USPL1: variants seen among roughly 807,000 people sequenced by gnomAD.
USPL1 encodes SUMO-specific isopeptidase USPL1.
A neutral mutation model predicts 51.5 loss-of-function variants in USPL1; 27 were observed. That is an observed-to-expected ratio of 0.52 (90% CI 0.39 to 0.72). USPL1 has a LOEUF of 0.72. Ranked by LOEUF, USPL1 falls within the 30% of genes least tolerant of loss-of-function variation. The pLI, the probability that USPL1 is intolerant of heterozygous loss-of-function variation, is 0.00. For missense variants in USPL1, 1,226 were observed against 1,268.0 expected (o/e 0.97, Z 0.50); for synonymous variants, 451 against 459.6 (o/e 0.98, Z 0.24).
At chr13:30,620,895 G>A (rs1004166552) in intron 1 of USPL1, among the ~76,000 whole-genome samples, 178 bp from the exon 2 acceptor site, 2 of 152,084 alleles carry the variant, frequency 1.3e-5, no homozygotes, top group African/African-American at 4.8e-5. Flanking sequence ...TCACAAATTT[G>A]CTGGGTTTAT....
In USPL1 at chr13:30,631,318, T is replaced by G; in HGVS notation, c.712T>G (p.Leu238Val). The G allele has an allele frequency of 6.2e-7, 1 of 1,614,184 alleles. No individual in the cohort carries two copies. Among genetic ancestry groups the G allele is most frequent in the Non-Finnish European group, 8.5e-7 (1 of 1,180,038 alleles). The part of the protein sequence containing the change: ...QWKNAYALCW[L>V]DCILSALVHS... ...GAAAAATGCTTATGCTCTCTGTTGG[T>G]TAGACTGTATCCTGTCAGCTTTGGT... The change falls in exon 4 of 9, where the codon TTA becomes GTA. Residue 238 changes from leucine (L) to valine (V), a missense_variant. Transcript: ENST00000255304.
rs759775085 is a variant in USPL1, at chr13:30,658,394, C to T, written c.2317C>T (p.Leu773Phe). 3.7e-6 allele frequency: 6 copies of T among 1,613,636 alleles called. No individual in the cohort carries two copies. The highest frequency in any genetic ancestry group is 5.1e-6 in the Non-Finnish European group (6 of 1,179,994). ...LISRGASFMP[L>F]CVSAHNRNTI... Reference sequence around the variant, plus strand: ...AAGCAGGGGTGCTTCTTTTATGCCACTCTGTGTTTCAGCTCATAATAGAAA... The same window carrying T: ...AAGCAGGGGTGCTTCTTTTATGCCATTCTGTGTTTCAGCTCATAATAGAAA... The change falls in exon 9 of 9, where the codon CTC (leucine) becomes TTC (phenylalanine). Residue 773 changes from leucine to phenylalanine, a missense_variant. By Grantham distance (22) the Leu-to-Phe change is conservative. Coordinates refer to ENST00000255304, the MANE Select transcript of USPL1 (RefSeq NM_005800.5).
chr13:30,642,505 G>T, intron 5 of USPL1, 123 bp from the exon 6 acceptor site: 1 of 1,180,152 alleles, frequency 8.5e-7, no homozygotes, highest in South Asian at 1.9e-5. Flanking sequence ...GACTTATTGT[G>T]TCATACTGTA....
intron 7 of USPL1, among the ~76,000 whole-genome samples, chr13:30,651,020 T>A (rs571639435): frequency 7.9e-4 from 119 of 150,806 alleles, no homozygotes; most frequent in African/African-American, 2.8e-3. Context: ...AAAAAAAAAA[T>A]TTCATAGTTA....
rs1423160407 is a variant in USPL1 at position 30,631,305 on chromosome 13, T to A, written c.699T>A (p.Tyr233Ter). 6.2e-7 allele frequency: 1 copy of A among 1,614,086 alleles called. No individual in the cohort carries two copies. The change falls in exon 4 of 9, where the codon TAT becomes TAA. Residue 233 changes from tyrosine to a stop codon, truncating the protein, a stop_gained. Transcript: ENST00000255304. LOFTEE classifies it high-confidence loss of function. ...QALCVQWKNA[Y>*]ALCWLDCILS... ...TATGTGTCCAGTGGAAAAATGCTTA[T>A]GCTCTCTGTTGGTTAGACTGTATCC...
In USPL1 at chr13:30,655,454, T is replaced by TA. The variant is rs149585632; in HGVS notation, c.1397-2019dup. Among the ~76,000 whole-genome samples the TA allele has an allele frequency of 4.6e-3, 697 of 152,298 alleles. 5 individuals are homozygous for TA. The highest frequency in any genetic ancestry group is 0.015 in the African/African-American group (621 of 41,552). On this transcript the variant is annotated intron_variant, in intron 8 of 8. Transcript: ENST00000255304. ...TCTTAATCTTTGCATTCCTTAAGATTAGTTCTTTGTAGGAAGGCTTTGAAG... is the reference window on the plus strand; with the variant it reads ...TCTTAATCTTTGCATTCCTTAAGATTAAGTTCTTTGTAGGAAGGCTTTGAAG...
chr13:30,638,708 C>T (rs918828534), intron 5 of USPL1, among the ~76,000 whole-genome samples: 1 of 151,346 alleles, frequency 6.6e-6, no homozygotes, highest in East Asian at 1.9e-4. Context: ...TAGTAATAAC[C>T]CATATTATGT....
chr13:30,635,332 GT>G (rs1950860921), intron 4 of USPL1, among the ~76,000 whole-genome samples: 1 of 152,154 alleles, frequency 6.6e-6, no homozygotes, highest in South Asian at 2.1e-4. Flanking sequence ...TCATATTGAT[GT>G]GTGGTATGAG....
intron 1 of USPL1, among the ~76,000 whole-genome samples, chr13:30,618,308 G>A (rs1030957482): frequency 6.6e-6 from 1 of 152,162 alleles, no homozygotes; most frequent in African/African-American, 2.4e-5. Context: ...CAGGGTTAAC[G>A]GACCCTGCGC....
In USPL1 at chr13:30,631,075, A is replaced by G. The variant is rs775954149; in HGVS notation, c.469A>G (p.Ser157Gly). ...AACCTCGTCAAACTTACCTGATAGT[A>G]GTGGTCAACAGAATCCAATTAGGAC... The part of the protein sequence containing the change: ...DETSSNLPDS[S>G]GQQNPIRTAD... Residue 157 changes from serine (S) to glycine (G), a missense_variant, in exon 4 of 9, where the codon AGT (serine) becomes GGT (glycine). Transcript: ENST00000255304. 6 of 1,614,214 alleles carry G rather than the reference A, an allele frequency of 3.7e-6. No individual in the cohort carries two copies. The highest frequency in any genetic ancestry group is 3.3e-5 in the South Asian group (3 of 91,092).
rs779163975 is a variant in USPL1 at position 30,630,830 on chromosome 13, T to C, written c.229-5T>C. ...AGTTTTTATCATTTTATTTTTACTT[T>C]CCAGTGCATCTATCCTTTGGGCTCT... On this transcript the variant is annotated splice_region_variant and splice_polypyrimidine_tract_variant and intron_variant, in intron 3 of 8. Coordinates refer to ENST00000255304, the MANE Select transcript of USPL1 (RefSeq NM_005800.5). 5 of 1,569,956 alleles carry C rather than the reference T, an allele frequency of 3.2e-6. No homozygotes were observed. The highest frequency in any genetic ancestry group is 2.8e-5 in the African/African-American group (2 of 72,534).
At chr13:30,639,511 G>A (rs1393113364) in intron 5 of USPL1, among the ~76,000 whole-genome samples, 1 of 151,756 alleles carries the variant, frequency 6.6e-6, no homozygotes, top group Non-Finnish European at 1.5e-5. Context: ...CCTCCTCTAG[G>A]CCTGAAGAAC....
chr13:30,625,878 A>G (rs2031276), intron 3 of USPL1, among the ~76,000 whole-genome samples: 77,763 of 152,136 alleles, frequency 0.51, 22,985 homozygotes, highest in African/African-American at 0.82. Context: ...ATTTCTAGTC[A>G]GCAATGAGAG....
chr13:30,658,119 A>G lies in USPL1; in HGVS notation c.2042A>G (p.Asn681Ser), dbSNP rs767906950. ...EDTVNTKSVN[N>S]TDATGLIQGV... is the part of the protein sequence containing the mutation. ...ACTGTAAATACTAAATCTGTGAATA[A>G]TACTGATGCTACTGGTCTTATACAG... is the stretch of plus-strand genomic sequence containing the variant. The change falls in exon 9 of 9, where the codon AAT (asparagine) becomes AGT (serine). Residue 681 changes from asparagine to serine, a missense_variant. Transcript: ENST00000255304. The G allele has an allele frequency of 2.5e-6, 4 of 1,613,632 alleles. 1 individual carries two copies. In the Admixed American group the frequency reaches 5.0e-5, roughly 20 times the overall value.
At chr13:30,625,437 GTTTTTTGT>G (rs1397117108) in intron 3 of USPL1, among the ~76,000 whole-genome samples, 1 of 135,894 alleles carries the variant, frequency 7.4e-6, no homozygotes, top group African/African-American at 2.8e-5. Flanking sequence ...TTGGTTTTTT[GTTTTTTGT>G]TTTTTTTTTT....
intron 3 of USPL1, among the ~76,000 whole-genome samples, chr13:30,622,634 G>C (rs1051466144): frequency 2.0e-5 from 3 of 152,180 alleles, no homozygotes; most frequent in Non-Finnish European, 4.4e-5. Context: ...GTTTATTCCA[G>C]CAAAAAATTA....
intron 8 of USPL1, among the ~76,000 whole-genome samples, chr13:30,655,217 A>G (rs1593394256): frequency 6.6e-6 from 1 of 152,234 alleles, no homozygotes; most frequent in Non-Finnish European, 1.5e-5. Context: ...GATTACAGGC[A>G]TGAGCCACCG....
At chr13:30,629,801 A>T (rs1235591121) in intron 3 of USPL1, among the ~76,000 whole-genome samples, 1 of 152,106 alleles carries the variant, frequency 6.6e-6, no homozygotes, top group Non-Finnish European at 1.5e-5. Context: ...CATGTGTGCT[A>T]ATGTTCCATC....
chr13:30,658,634 A>G lies in USPL1; in HGVS notation c.2557A>G (p.Lys853Glu), dbSNP rs1566062967. The change falls in exon 9 of 9, where the codon AAG (lysine) becomes GAG (glutamate). Residue 853 changes from lysine (K) to glutamate (E), a missense_variant. By Grantham distance (56) the Lys-to-Glu change is moderately conservative (BLOSUM62 1). Transcript: ENST00000255304. ...TCATGCTGCTTCAGAAGTTTTGGAA[A>G]AGTCTGGAAGCACCTCATGTGGAGC... ...HAHAASEVLEKSGSTSCGAQL... is the reference protein window; with the variant it reads ...HAHAASEVLEESGSTSCGAQL... 3.7e-6 allele frequency: 6 copies of G among 1,614,044 alleles called. No individual in the cohort carries two copies. Among genetic ancestry groups the G allele is most frequent in the Middle Eastern group, 3.3e-4 (2 of 6,084 alleles).
Sources: allele counts gnomAD v4.1 joint callset (sites outside exome capture counted in the v4.1 genomes callset), GRCh38; gene constraint gnomAD v4.1.1; transcripts MANE v1.5; gene names NCBI Gene and HGNC (gene_info 2026-07-23, HGNC 2026-07-21).